The following CELF4 variants were observed in gnomAD, a reference collection of about 807,000 sequenced individuals.
The protein encoded by CELF4 is CUG-BP- and ETR-3-like factor 4.
In CELF4, 18 loss-of-function variants were observed where a neutral mutation model predicts 59.9. That is an observed-to-expected ratio of 0.30 (90% CI 0.21 to 0.45). CELF4 has a LOEUF of 0.45. Ranked by LOEUF, CELF4 falls within the 20% of genes least tolerant of loss-of-function variation. The probability of loss-of-function intolerance (pLI) is 1.00; values close to 1 mark genes in which losing one functional copy is unlikely to be tolerated. For missense variants in CELF4, 456 were observed against 689.0 expected, an observed-to-expected ratio of 0.66 and a Z score of 3.79; for synonymous variants, 261 against 267.1, an observed-to-expected ratio of 0.98 and a Z score of 0.22.
intron 10 of CELF4, 29 bp downstream of exon 10, chr18:37,264,645 G>C: frequency 1.9e-6 from 3 of 1,547,142 alleles, no homozygotes; most frequent in Non-Finnish European, 2.6e-6. Flanking sequence ...GGGGGAGGGA[G>C]GGGCCCAGGA....
intron 3 of CELF4, among the ~76,000 whole-genome samples, chr18:37,318,286 C>T (rs117313069): frequency 0.026 from 3,928 of 151,914 alleles, 78 homozygotes; most frequent in Non-Finnish European, 0.041. Context: ...TCCCCCTCCT[C>T]CTCCTGCCGC....
intron 1 of CELF4, among the ~76,000 whole-genome samples, chr18:37,552,748 T>C (rs1052763011): frequency 8.5e-5 from 13 of 152,268 alleles, no homozygotes; most frequent in Non-Finnish European, 1.9e-4. Context: ...CCTGGCTTTC[T>C]GCTGGCTCCA....
At chr18:37,274,207 G>A in intron 6 of CELF4, 104 bp downstream of exon 6, 1 of 1,533,548 alleles carries the variant, frequency 6.5e-7, no homozygotes, top group African/African-American at 1.4e-5. Context: ...ACTCTGGAGG[G>A]AGAGGGCAAG....
chr18:37,557,277 T>C (rs1433560894), intron 1 of CELF4, among the ~76,000 whole-genome samples: 1 of 152,244 alleles, frequency 6.6e-6, no homozygotes, highest in Middle Eastern at 3.2e-3. Flanking sequence ...CTCCTTTTTC[T>C]TCTGCTGATA....
At chr18:37,312,125 A>AG (rs2096686339) in intron 3 of CELF4, among the ~76,000 whole-genome samples, 1 of 118,644 alleles carries the variant, frequency 8.4e-6, no homozygotes, top group African/African-American at 2.9e-5. Flanking sequence ...AAAAAAAAAA[A>AG]AAAAAGAAAA....
intron 1 of CELF4, among the ~76,000 whole-genome samples, chr18:37,509,053 T>C (rs1298822757): frequency 6.6e-6 from 1 of 152,098 alleles, no homozygotes; most frequent in African/African-American, 2.4e-5. Flanking sequence ...ATGTCATCAG[T>C]CTCCCTCCCA....
chr18:37,346,044 G>A (rs1468038396), intron 2 of CELF4, among the ~76,000 whole-genome samples: 1 of 152,192 alleles, frequency 6.6e-6, no homozygotes, highest in Non-Finnish European at 1.5e-5. Flanking sequence ...GCGCCCTCCT[G>A]GGGAGAACCG....
chr18:37,353,552 A>C (rs2098504049), intron 2 of CELF4, among the ~76,000 whole-genome samples: 1 of 150,314 alleles, frequency 6.7e-6, no homozygotes, highest in South Asian at 2.2e-4. Context: ...GACTTGGGTC[A>C]GCAAGCAGGA....
intron 10 of CELF4, among the ~76,000 whole-genome samples, chr18:37,260,982 C>T (rs1600773294): frequency 1.3e-5 from 2 of 152,130 alleles, no homozygotes; most frequent in Non-Finnish European, 1.5e-5. Flanking sequence ...GTGGCCCTCC[C>T]CTCACCCTGT....
chr18:37,285,215 G>C (rs1280059964), intron 3 of CELF4, among the ~76,000 whole-genome samples: 1 of 152,168 alleles, frequency 6.6e-6, no homozygotes, highest in East Asian at 1.9e-4. Context: ...CCATCCCTCT[G>C]ATCACAGCCT....
intron 2 of CELF4, among the ~76,000 whole-genome samples, chr18:37,467,780 A>G (rs992142277): frequency 1.3e-5 from 2 of 152,220 alleles, no homozygotes; most frequent in Non-Finnish European, 2.9e-5. Flanking sequence ...GTTTATCTTC[A>G]GCTGTCCCTA....
chr18:37,542,910 T>C (rs146824441), intron 1 of CELF4, among the ~76,000 whole-genome samples: 13 of 152,272 alleles, frequency 8.5e-5, no homozygotes, highest in Admixed American at 3.3e-4. Flanking sequence ...CCCAAGTCTC[T>C]GGGCTCTAGA....
In CELF4 at chr18:37,511,169, C is replaced by T. The variant is rs538996720; in HGVS notation, c.287-25562G>A. Among the ~76,000 whole-genome samples, 106 of 152,254 alleles carry T rather than the reference C, an allele frequency of 7.0e-4. 1 individual carries two copies. Among genetic ancestry groups the T allele is most frequent in the Admixed American group, 2.0e-3 (31 of 15,304 alleles). On this transcript the variant is annotated intron_variant, in intron 1 of 12. Coordinates refer to ENST00000420428, the MANE Select transcript of CELF4 (RefSeq NM_020180.4). ...ACCTCTCCCTTCCTTAAAATCCTTG[C>T]GTGTTGGAAGCCGAAACCTTGCATG...
intron 2 of CELF4, among the ~76,000 whole-genome samples, chr18:37,369,188 T>C (rs1293077733): frequency 6.6e-6 from 1 of 152,058 alleles, no homozygotes; most frequent in Non-Finnish European, 1.5e-5. Flanking sequence ...ACCATGGGGC[T>C]CCCAACACCC....
At chr18:37,317,987 G>A (rs1278114694) in intron 3 of CELF4, among the ~76,000 whole-genome samples, 1 of 152,228 alleles carries the variant, frequency 6.6e-6, no homozygotes, top group Admixed American at 6.5e-5. Flanking sequence ...GCTGGGCGAG[G>A]TGGAGAGAAG....
chr18:37,533,431 G>C (rs1374943086), intron 1 of CELF4, among the ~76,000 whole-genome samples: 1 of 152,164 alleles, frequency 6.6e-6, no homozygotes, highest in Non-Finnish European at 1.5e-5. Context: ...CCATACAGCA[G>C]GGGGGTGATT....
chr18:37,489,691 A>G (rs571584581), intron 1 of CELF4, among the ~76,000 whole-genome samples: 2 of 152,354 alleles, frequency 1.3e-5, no homozygotes, highest in South Asian at 4.1e-4. Context: ...AGTTGTCCCC[A>G]GAGACATCCC....
intron 2 of CELF4, among the ~76,000 whole-genome samples, chr18:37,427,202 G>T (rs1002179811): frequency 1.3e-5 from 2 of 152,190 alleles, no homozygotes; most frequent in African/African-American, 2.4e-5. Flanking sequence ...AGATGTGCAG[G>T]ATTGCTGGCC....
intron 2 of CELF4, among the ~76,000 whole-genome samples, chr18:37,464,348 G>A (rs2099802028): frequency 6.6e-6 from 1 of 152,146 alleles, no homozygotes; most frequent in Non-Finnish European, 1.5e-5. Flanking sequence ...TTTCTATCTG[G>A]GAGGCCTTTC....
Sources: gnomAD v4.1 joint callset for allele counts (sites outside exome capture counted in the v4.1 genomes callset) on GRCh38, gnomAD v4.1.1 for gene constraint, MANE v1.5 for transcripts, NCBI Gene and HGNC (gene_info 2026-07-23, HGNC 2026-07-21) for gene names.